Variants in RRAS observed in about 807,000 individuals in gnomAD.
RRAS encodes ras-related protein R-Ras.
RRAS carries 18 observed loss-of-function variants against 23.3 expected under a neutral mutation model. That is an observed-to-expected ratio of 0.77 (90% CI 0.53 to 1.15). RRAS has a LOEUF of 1.15. Among genes scored for constraint, RRAS ranks in the 50% most tolerant of loss-of-function variants. The pLI, the probability that RRAS is intolerant of heterozygous loss-of-function variation, is 0.00. For synonymous variants in RRAS, 133 were observed against 138.3 expected (o/e 0.96, Z 0.27); for missense variants, 291 against 317.1 (o/e 0.92, Z 0.62).
chr19:49,637,329 G>A (rs1201811500), intron 1 of RRAS, among the ~76,000 whole-genome samples, 199 bp from the exon 2 acceptor site: 2 of 109,522 alleles, frequency 1.8e-5, no homozygotes, highest in African/African-American at 3.7e-5. Context: ...TTTTTGAGAC[G>A]GAGTTTCGCT....
intron 1 of RRAS, among the ~76,000 whole-genome samples, chr19:49,637,935 C>T (rs1231138004): frequency 6.6e-6 from 1 of 152,178 alleles, no homozygotes; most frequent in Non-Finnish European, 1.5e-5. Flanking sequence ...AAAAAGGAGG[C>T]TAAGAACAGC....
At position 49,635,736 on chromosome 19, in the gene RRAS, G is replaced by C; in HGVS notation, c.570C>G (p.Val190=). 6.4e-7 allele frequency: 1 copy of C among 1,571,884 alleles called. No individual in the cohort carries two copies. The highest frequency in any genetic ancestry group is 8.7e-7 in the Non-Finnish European group (1 of 1,148,280). The change falls in exon 5 of 6, where the codon GTC becomes GTG. Residue 190 remains valine (V), a splice_region_variant and synonymous_variant. Coordinates refer to ENST00000246792, the MANE Select transcript of RRAS (RefSeq NM_006270.5). ...GACAGGAAGGGGACTTGGCTCACCG[G>C]ACAGCCCGCACCAGCTGCTCAAAAG... ...DEAFEQLVRA[V]RKYQEQELPP...
At position 49,640,029 on chromosome 19, in the gene RRAS, G is replaced by GC. The variant is rs1195095842; in HGVS notation, c.69_70insG (p.Pro24AlafsTer34). 11 of 1,548,002 alleles carry GC rather than the reference G, an allele frequency of 7.1e-6. No individual in the cohort carries two copies. The highest frequency in any genetic ancestry group is 9.5e-6 in the Non-Finnish European group (11 of 1,155,856). On this transcript the variant is annotated frameshift_variant, in exon 1 of 6. Coordinates refer to ENST00000246792, the MANE Select transcript of RRAS (RefSeq NM_006270.5). LOFTEE classifies it high-confidence loss of function. ...AGCTTGTGTGTCTCGCTGGGCGGGG[G>GC]GTCCCCGGGCCCAGGTCCCCCGCCC...
Position 49,636,764 on chromosome 19 carries a change from T to C in RRAS, c.345-37A>G, listed in dbSNP as rs1425077719. The C allele has an allele frequency of 6.2e-7, 1 of 1,609,982 alleles. No homozygotes were observed. Among genetic ancestry groups the C allele is most frequent in the Admixed American group, 1.7e-5 (1 of 60,006 alleles). ...GCCGGAGGCATGAGGTCCAGCCAGC[T>C]GCAGAGCCCAGGTCCTCCCCACACC... On this transcript the variant is annotated intron_variant, in intron 3 of 5. Transcript: ENST00000246792. This position sits in a 1 kb window ranked among gnomAD's most constrained non-coding sequence, Gnocchi z 4.5.
At chr19:49,637,798 T>A (rs1270471267) in intron 1 of RRAS, among the ~76,000 whole-genome samples, 1 of 123,988 alleles carries the variant, frequency 8.1e-6, no homozygotes, top group Non-Finnish European at 1.6e-5. Context: ...ACCAGTCTTC[T>A]TCTCTCTGAG....
chr19:49,638,788 C>T (rs907753660), intron 1 of RRAS, among the ~76,000 whole-genome samples: 5 of 152,020 alleles, frequency 3.3e-5, no homozygotes, highest in African/African-American at 1.2e-4. Context: ...ATAGATCTTT[C>T]TGGGGGTGCC....
chr19:49,636,078 A>G lies in RRAS; in HGVS notation c.454-226T>C, dbSNP rs942753584. On this transcript the variant is annotated intron_variant, in intron 4 of 5. Coordinates refer to ENST00000246792, the MANE Select transcript of RRAS (RefSeq NM_006270.5). The surrounding 1 kb of genome is among the most constrained non-coding windows in gnomAD (Gnocchi z 4.5). ...GGGCACTTGCCCTGCTATGCCTTAG[A>G]TAACCAGGAGTGGGCAGGCAGGGAA... 2.0e-5 allele frequency among the ~76,000 whole-genome samples: 3 copies of G among 152,204 alleles called. No homozygotes were observed. Among genetic ancestry groups the G allele is most frequent in the Non-Finnish European group, 4.4e-5 (3 of 68,034 alleles).
Position 49,635,643 on chromosome 19 carries a change from T to A in RRAS, c.590A>T (p.Glu197Val). The A allele has an allele frequency of 6.9e-7, 1 of 1,451,006 alleles. No individual in the cohort carries two copies. Among genetic ancestry groups the A allele is most frequent in the Non-Finnish European group, 9.2e-7 (1 of 1,089,424 alleles). The allele number at this position is 1,451,006 out of a possible 1,614,324, so 89.9% of individuals were successfully genotyped here. The stretch of plus-strand genomic sequence containing the variant: ...GGCACTGGGAGGGCTCGGTGGGAGC[T>A]CTTGTTCCTGGTATTTCCTGTGGGA... Reference protein sequence around the residue: ...VRAVRKYQEQELPPSPPSAPR... With the variant: ...VRAVRKYQEQVLPPSPPSAPR... Residue 197 changes from glutamate (E) to valine (V), a missense_variant, in exon 6 of 6, where the codon GAG becomes GTG. Glu to Val is a moderately radical substitution (Grantham distance 121). Transcript: ENST00000246792.
In RRAS at chr19:49,635,945, AG is replaced by A. The variant is rs2080994535; in HGVS notation, c.454-94del. 4.9e-6 allele frequency: 3 copies of A among 614,298 alleles called. No homozygotes were observed. In the South Asian group the frequency reaches 6.6e-5, roughly 13 times the overall value. The allele number at this position is 614,298 out of a possible 1,614,324, so 38.1% of individuals were successfully genotyped here. ...ACAGGCAGGCTGGATACTCTAGGAG[AG>A]GTGACCCACTGTGAGAACTCAAAGA... On this transcript the variant is annotated intron_variant, in intron 4 of 5. Coordinates refer to ENST00000246792, the MANE Select transcript of RRAS (RefSeq NM_006270.5).
chr19:49,639,992 C>T lies in RRAS; in HGVS notation c.107G>A (p.Gly36Asp). ...PSETHKLVVV[G>D]GGGVGKSALT... ...CGCGCTCTTGCCCACGCCGCCGCCG[C>T]CCACGACCACCAGCTTGTGTGTCTC... Residue 36 changes from glycine (G) to aspartate (D), a missense_variant, in exon 1 of 6, where the codon GGC becomes GAC. Coordinates refer to ENST00000246792, the MANE Select transcript of RRAS (RefSeq NM_006270.5). The T allele has an allele frequency of 6.3e-7, 1 of 1,586,954 alleles. No homozygotes were observed.
In RRAS at chr19:49,636,720, C is replaced by T. The variant is rs533583599; in HGVS notation, c.352G>A (p.Glu118Lys). The change falls in exon 4 of 6, where the codon GAG (glutamate) becomes AAG (lysine). Residue 118 changes from glutamate (E) to lysine (K), a missense_variant. Glu to Lys is a moderately conservative substitution (Grantham distance 56). Transcript: ENST00000246792. This position sits in a 1 kb window ranked among gnomAD's most constrained non-coding sequence, Gnocchi z 4.5. ...ATCTGCGTGAAGAGCTTGCCCACCT[C>T]GTTGAAACTGCGAGTGAAGCCGGAG... ...FAINDRQSFN[E>K]VGKLFTQILR... The T allele has an allele frequency of 2.2e-5, 35 of 1,614,002 alleles. No homozygotes were observed. The highest frequency in any genetic ancestry group is 6.7e-5 in the Admixed American group (4 of 60,028).
In RRAS at chr19:49,636,813, A is replaced by G; in HGVS notation, c.344+11T>C. The G allele has an allele frequency of 6.2e-7, 1 of 1,612,280 alleles. No individual in the cohort carries two copies. The highest frequency in any genetic ancestry group is 1.1e-5 in the South Asian group (1 of 91,052). The stretch of plus-strand genomic sequence containing the variant: ...CCCACCCACTGCTCCGCCACCAGCA[A>G]CCCCTGTCACCTCTGCCGGTCGTTA... On this transcript the variant is annotated intron_variant, in intron 3 of 5. Coordinates refer to ENST00000246792, the MANE Select transcript of RRAS (RefSeq NM_006270.5). This position sits in a 1 kb window ranked among gnomAD's most constrained non-coding sequence, Gnocchi z 4.5.
intron 1 of RRAS, among the ~76,000 whole-genome samples, chr19:49,637,999 G>A (rs1263922953): frequency 6.6e-6 from 1 of 152,116 alleles, no homozygotes; most frequent in Admixed American, 6.6e-5. Context: ...ATTAAATATT[G>A]AATGTATCAG....
rs1568437317 is a variant in RRAS at position 49,636,910 on chromosome 19, G to C, written c.258C>G (p.Gly86=). The part of the protein sequence containing the change: ...PARLDILDTA[G]QEEFGAMREQ... ...CTCTCATGGCCCCGAACTCTTCCTG[G>C]CCCGCGGTGTCCAGGACTGCAGAGA... Residue 86 remains glycine (G), a synonymous_variant, in exon 3 of 6, where the codon GGC becomes GGG. Transcript: ENST00000246792. The surrounding 1 kb of genome is among the most constrained non-coding windows in gnomAD (Gnocchi z 4.5). 1 of 1,613,294 alleles carries C rather than the reference G, an allele frequency of 6.2e-7. No individual in the cohort carries two copies. The highest frequency in any genetic ancestry group is 1.7e-5 in the Admixed American group (1 of 60,024).
rs904540922 is a variant in RRAS, at chr19:49,635,392, C to T, written c.*184G>A. 2.0e-5 allele frequency: 8 copies of T among 401,172 alleles called. No individual in the cohort carries two copies. The highest frequency in any genetic ancestry group is 2.2e-5 in the Non-Finnish European group (5 of 227,538). 24.9% of individuals were successfully genotyped at this position (401,172 alleles called of 1,614,324 possible). A position where few individuals can be genotyped will look rare whatever the true frequency, so the allele number is the denominator to read the frequency against. On this transcript the variant is annotated 3_prime_UTR_variant, in exon 6 of 6. Coordinates refer to ENST00000246792, the MANE Select transcript of RRAS (RefSeq NM_006270.5). Reference sequence around the variant, plus strand: ...ACCAGGCTTAGGTGGGGACAGGAGGCGTTGGCAGAAGGCACACAGTGGCAG... The same window carrying T: ...ACCAGGCTTAGGTGGGGACAGGAGGTGTTGGCAGAAGGCACACAGTGGCAG...
At position 49,635,538 on chromosome 19, in the gene RRAS, C is replaced by T. The variant is rs774124831; in HGVS notation, c.*38G>A. ...ACAGCAAGGTGCGAAGGCAGCTAGTCCCGAGAGCTTGTGGTGGTTGCTTCT... is the reference window on the plus strand; with the variant it reads ...ACAGCAAGGTGCGAAGGCAGCTAGTTCCGAGAGCTTGTGGTGGTTGCTTCT... On this transcript the variant is annotated 3_prime_UTR_variant, in exon 6 of 6. Coordinates refer to ENST00000246792, the MANE Select transcript of RRAS (RefSeq NM_006270.5). 4 of 1,324,974 alleles carry T rather than the reference C, an allele frequency of 3.0e-6. No individual in the cohort carries two copies. The highest frequency in any genetic ancestry group is 4.0e-6 in the Non-Finnish European group (4 of 999,146). 82.1% of individuals were successfully genotyped at this position (1,324,974 alleles called of 1,614,324 possible).
In RRAS at chr19:49,636,673, G is replaced by T; in HGVS notation, c.399C>A (p.Asp133Glu). The change falls in exon 4 of 6, where the codon GAC becomes GAA. Residue 133 changes from aspartate to glutamate, a missense_variant. Transcript: ENST00000246792. This position sits in a 1 kb window ranked among gnomAD's most constrained non-coding sequence, Gnocchi z 4.5. ...FTQILRVKDR[D>E]DFPVVLVGNK... ...TCCCGACCAACACAACGGGGAAGTC[G>T]TCGCGGTCCTTGACCCGCAGAATCT... 6.2e-7 allele frequency: 1 copy of T among 1,614,114 alleles called. No homozygotes were observed. The highest frequency in any genetic ancestry group is 1.7e-5 in the Admixed American group (1 of 60,030).
intron 1 of RRAS, 66 bp downstream of exon 1, chr19:49,639,880 C>G: frequency 7.0e-7 from 1 of 1,423,224 alleles, no homozygotes; most frequent in Non-Finnish European, 9.4e-7. Context: ...AAAGGGGTCT[C>G]GGGGATCCCC....
Position 49,636,967 on chromosome 19 carries a change from C to T in RRAS, c.242-41G>A, listed in dbSNP as rs1157005566. The T allele has an allele frequency of 6.2e-7, 1 of 1,608,018 alleles. No homozygotes were observed. The highest frequency in any genetic ancestry group is 1.7e-5 in the Admixed American group (1 of 59,968). ...GAGGGGCCATCGTGGGGACCAGGCT[C>T]CCCGCAGTCACCCCCAAGAGCCCTC... On this transcript the variant is annotated intron_variant, in intron 2 of 5. Coordinates refer to ENST00000246792, the MANE Select transcript of RRAS (RefSeq NM_006270.5). The surrounding 1 kb of genome is among the most constrained non-coding windows in gnomAD (Gnocchi z 4.5).
Sources: gnomAD v4.1 joint callset for allele counts (sites outside exome capture counted in the v4.1 genomes callset) on GRCh38, gnomAD v4.1.1 for gene constraint, Gnocchi (gnomAD v3.1) non-coding constraint, MANE v1.5 for transcripts, NCBI Gene and HGNC (gene_info 2026-07-23, HGNC 2026-07-21) for gene names.